ODAD2: variants seen among roughly 807,000 people sequenced by gnomAD.
The protein encoded by ODAD2 is outer dynein arm-docking complex subunit 2.
In ODAD2, 89 loss-of-function variants were observed where a neutral mutation model predicts 106.8. That is an observed-to-expected ratio of 0.83 (90% confidence interval 0.70 to 0.99). ODAD2 has a LOEUF of 0.99. Among genes scored for constraint, ODAD2 ranks in the 50% least tolerant of loss-of-function variants. The pLI is 0.00. For missense variants in ODAD2, 1,168 were observed against 1,238.5 expected (o/e 0.94, Z 0.85); for synonymous variants, 404 against 436.2 (o/e 0.93, Z 0.92).
intron 17 of ODAD2, among the ~76,000 whole-genome samples, chr10:27,897,406 G>A: frequency 6.6e-6 from 1 of 151,900 alleles, no homozygotes; most frequent in East Asian, 1.9e-4. Flanking sequence ...TCCCATGTTT[G>A]GTAAAAATTC....
chr10:27,927,428 A>G (rs113484136), intron 16 of ODAD2, among the ~76,000 whole-genome samples: 4 of 152,310 alleles, frequency 2.6e-5, no homozygotes, highest in African/African-American at 9.6e-5. Flanking sequence ...TAAGACTTAA[A>G]GCTCAAAGAT....
Position 27,860,612 on chromosome 10 carries a change from C to A in ODAD2, c.3021+13G>T. The A allele has an allele frequency of 1.2e-6, 2 of 1,611,266 alleles. No individual in the cohort carries two copies. Among genetic ancestry groups the A allele is most frequent in the South Asian group, 2.2e-5 (2 of 90,992 alleles). On this transcript the variant is annotated intron_variant, in intron 19 of 19. Transcript: ENST00000305242. ...CCAAACTTGGACTAAACCACAAAGT[C>A]ATTCAACTGTACCTTTACTGCACCA...
At chr10:27,867,907 C>A (rs971173464) in intron 17 of ODAD2, among the ~76,000 whole-genome samples, 12 of 151,886 alleles carry the variant, frequency 7.9e-5, no homozygotes, top group Admixed American at 6.5e-5. Flanking sequence ...TGAGATCACT[C>A]CACTGCACTC....
At chr10:27,814,482 G>C (rs6481482) in intron 19 of ODAD2, among the ~76,000 whole-genome samples, 118,704 of 152,092 alleles carry the variant, frequency 0.78, 46,648 homozygotes, top group Non-Finnish European at 0.82. Flanking sequence ...TCCTTGGCCT[G>C]CCATTGTCAC....
At chr10:27,845,557 AT>A (rs1484025411) in intron 19 of ODAD2, among the ~76,000 whole-genome samples, 1 of 152,230 alleles carries the variant, frequency 6.6e-6, no homozygotes. Flanking sequence ...ACAGGATCAA[AT>A]TCACACATAG....
At position 27,985,216 on chromosome 10, in the gene ODAD2, C is replaced by CAAA. The variant is rs10599433; in HGVS notation, c.383-8_383-6dup. On this transcript the variant is annotated splice_polypyrimidine_tract_variant and splice_region_variant and intron_variant, in intron 3 of 19. Transcript: ENST00000305242. ...TTACTATGGGGTCTCTGTTAGCTGC[C>CAAA]AAAAAAAAAAAAAAGGAGACAAATA... 2.0e-3 allele frequency: 2,454 copies of CAAA among 1,234,178 alleles called. 2 individuals carry two copies. Among genetic ancestry groups the CAAA allele is most frequent in the East Asian group, 8.8e-3 (310 of 35,286 alleles). 76.5% of individuals were successfully genotyped at this position (1,234,178 alleles called of 1,614,324 possible). A position where few individuals can be genotyped will look rare whatever the true frequency, so the allele number is the denominator to read the frequency against.
intron 16 of ODAD2, among the ~76,000 whole-genome samples, chr10:27,933,606 G>A (rs777230870): frequency 1.3e-5 from 2 of 152,150 alleles, no homozygotes; most frequent in Non-Finnish European, 2.9e-5. Context: ...TGCATTCAAA[G>A]AACATCAGAG....
chr10:27,895,254 G>A (rs1842790083), intron 17 of ODAD2, among the ~76,000 whole-genome samples: 2 of 152,028 alleles, frequency 1.3e-5, no homozygotes, highest in Admixed American at 6.6e-5. Flanking sequence ...TCAGACCTGG[G>A]CACCAAAACG....
intron 19 of ODAD2, among the ~76,000 whole-genome samples, chr10:27,851,959 C>A (rs894786965): frequency 6.6e-6 from 1 of 152,060 alleles, no homozygotes; most frequent in Non-Finnish European, 1.5e-5. Context: ...TACAGAGGAA[C>A]AAACATAAGC....
intron 17 of ODAD2, among the ~76,000 whole-genome samples, chr10:27,884,712 G>C (rs1019321364): frequency 6.6e-6 from 1 of 152,174 alleles, no homozygotes; most frequent in East Asian, 1.9e-4. Context: ...CTGGGGGCAA[G>C]AGATTACAGG....
chr10:27,971,242 T>C lies in ODAD2; in HGVS notation c.1008A>G (p.Ala336=). The C allele has an allele frequency of 1.9e-6, 3 of 1,613,978 alleles. No individual in the cohort carries two copies. The highest frequency in any genetic ancestry group is 2.5e-6 in the Non-Finnish European group (3 of 1,179,902). ...QLGKAPKKEE[A]AALRKDISGS... ...CAGAAATGTCTTTGCGGAGGGCAGC[T>C]GCTTCTTCCTTCTTGGGGGCTTTGC... The change falls in exon 8 of 20, where the codon GCA becomes GCG. Residue 336 remains alanine (A), a synonymous_variant. Coordinates refer to ENST00000305242, the MANE Select transcript of ODAD2 (RefSeq NM_018076.5).
rs1180408667 is a variant in ODAD2 at position 27,860,806 on chromosome 10, G to T, written c.2840C>A (p.Ser947Ter). The T allele has an allele frequency of 1.1e-5, 18 of 1,614,174 alleles. No homozygotes were observed. Among genetic ancestry groups the T allele is most frequent in the Non-Finnish European group, 1.4e-5 (17 of 1,180,014 alleles). ...ATTCCTGCCCCACATACAGCAACGT[G>T]AAATAGCTTCTGCTAGATGATGTCT... Reference protein sequence around the residue: ...KLRHHLAEAISRCCMWGRNRV... With the variant: ...KLRHHLAEAI The change falls in exon 19 of 20, where the codon TCA becomes TAA. Residue 947 changes from serine to a stop codon, truncating the protein, a stop_gained. Coordinates refer to ENST00000305242, the MANE Select transcript of ODAD2 (RefSeq NM_018076.5). LOFTEE classifies it high-confidence loss of function.
Position 27,860,823 on chromosome 10 carries a change from A to C in ODAD2, c.2823T>G (p.His941Gln), listed in dbSNP as rs575075615. 6.3e-5 allele frequency: 102 copies of C among 1,614,126 alleles called. 1 individual carries two copies. The highest frequency in any genetic ancestry group is 8.2e-5 in the Non-Finnish European group (97 of 1,179,980). ...ANTNNNKLRH[H>Q]LAEAISRCCM... is the part of the protein sequence containing the mutation. Reference sequence around the variant, plus strand: ...AGCAACGTGAAATAGCTTCTGCTAGATGATGTCTCAATTTATTGTTATTCT... The same window carrying C: ...AGCAACGTGAAATAGCTTCTGCTAGCTGATGTCTCAATTTATTGTTATTCT... Residue 941 changes from histidine (H) to glutamine (Q), a missense_variant, in exon 19 of 20, where the codon CAT (histidine) becomes CAG (glutamine). Transcript: ENST00000305242.
intron 16 of ODAD2, among the ~76,000 whole-genome samples, chr10:27,916,898 T>C (rs952864730): frequency 2.6e-5 from 4 of 152,014 alleles, no homozygotes; most frequent in Admixed American, 6.6e-5. Context: ...AAGGGACAGC[T>C]CTAGGAAGAA....
intron 10 of ODAD2, among the ~76,000 whole-genome samples, chr10:27,949,129 A>G (rs1847152668): frequency 6.6e-6 from 1 of 152,142 alleles, no homozygotes; most frequent in Non-Finnish European, 1.5e-5. Context: ...AATGTATTCA[A>G]GAGTAAAACA....
At chr10:27,848,529 C>T (rs1838975894) in intron 19 of ODAD2, among the ~76,000 whole-genome samples, 1 of 97,082 alleles carries the variant, frequency 1.0e-5, no homozygotes, top group East Asian at 2.4e-4. Context: ...ACACCAAAAA[C>T]AATGGTAACA....
chr10:27,937,778 C>T (rs142065311), intron 14 of ODAD2, among the ~76,000 whole-genome samples: 19 of 152,246 alleles, frequency 1.2e-4, no homozygotes, highest in South Asian at 2.1e-4. Context: ...ATCTTCTGCA[C>T]GTGATTTTCA....
At chr10:27,846,279 C>A (rs1303500142) in intron 19 of ODAD2, among the ~76,000 whole-genome samples, 4 of 151,972 alleles carry the variant, frequency 2.6e-5, no homozygotes, top group Non-Finnish European at 5.9e-5. Flanking sequence ...TCACTCAAAA[C>A]CGCTCAACTA....
intron 16 of ODAD2, among the ~76,000 whole-genome samples, chr10:27,923,004 A>G (rs75394736): frequency 0.061 from 9,303 of 151,532 alleles, 361 homozygotes; most frequent in East Asian, 0.18. Context: ...GACACTGGAA[A>G]AATTTATAGG....
Sources: allele counts gnomAD v4.1 joint callset (sites outside exome capture counted in the v4.1 genomes callset), GRCh38; gene constraint gnomAD v4.1.1; transcripts MANE v1.5; gene names NCBI Gene and HGNC (gene_info 2026-07-23, HGNC 2026-07-21).